Variants in MGST2 observed in about 807,000 individuals in gnomAD.
MGST2 encodes the protein glutathione peroxidase MGST2.
In MGST2, 9 loss-of-function variants were observed where a neutral mutation model predicts 16.6. The observed-to-expected ratio is 0.54, with a 90% CI of 0.33 to 0.95. The LOEUF is 0.95. Ranked by LOEUF, MGST2 falls within the 40% of genes least tolerant of loss-of-function variation. The pLI is 0.03. For missense variants in MGST2, 159 were observed against 175.1 expected, an observed-to-expected ratio of 0.91 and a Z score of 0.52; for synonymous variants, 79 against 68.0, an observed-to-expected ratio of 1.16 and a Z score of -0.79.
chr4:139,725,659 AATAC>A (rs1226575185), intron 5 of MGST2: 1 of 1,254,362 alleles, frequency 8.0e-7, no homozygotes, highest in African/African-American at 1.5e-5. Flanking sequence ...CCTGGACACA[AATAC>A]AGCCAGTAAG....
chr4:139,716,526 C>T (rs1428350756), intron 5 of MGST2, among the ~76,000 whole-genome samples: 1 of 151,946 alleles, frequency 6.6e-6, no homozygotes, highest in East Asian at 1.9e-4. Context: ...CCTCCCTTCC[C>T]TTTGCCACAT....
At chr4:139,698,660 C>A (rs957728594) in intron 3 of MGST2, 5 of 738,196 alleles carry the variant, frequency 6.8e-6, no homozygotes, top group South Asian at 6.6e-5. Context: ...TTATAGCAAT[C>A]CTGCTCCCAC....
At chr4:139,697,397 G>C (rs1187969338) in intron 3 of MGST2, among the ~76,000 whole-genome samples, 1 of 151,992 alleles carries the variant, frequency 6.6e-6, no homozygotes, top group Non-Finnish European at 1.5e-5. Context: ...TCTTAATGGT[G>C]CCTGGGAACT....
At chr4:139,740,954 G>A (rs1426783780), downstream of MGST2, among the ~76,000 whole-genome samples, 2 of 152,178 alleles carry the variant, frequency 1.3e-5, no homozygotes, top group Admixed American at 6.5e-5. Context: ...TCCAGAGGCC[G>A]TGAGAGGGAG....
intron 5 of MGST2, among the ~76,000 whole-genome samples, chr4:139,736,101 G>GAC (rs1205919484): frequency 3.9e-4 from 60 of 151,982 alleles, no homozygotes; most frequent in African/African-American, 1.3e-3. Context: ...GTGCTTTTCA[G>GAC]ACACACACAC....
chr4:139,666,951 A>T (rs947294411), intron 1 of MGST2, among the ~76,000 whole-genome samples: 10 of 152,240 alleles, frequency 6.6e-5, no homozygotes, highest in African/African-American at 2.4e-4. Flanking sequence ...GATTGTATGA[A>T]GATCTTGAAC....
At chr4:139,708,200 A>C (rs1281618937), downstream of MGST2, among the ~76,000 whole-genome samples, 1 of 152,230 alleles carries the variant, frequency 6.6e-6, no homozygotes, top group Non-Finnish European at 1.5e-5. Flanking sequence ...TTTTAGGTCT[A>C]ACACGTAAGT....
intron 5 of MGST2, among the ~76,000 whole-genome samples, chr4:139,722,433 C>T (rs1023328558): frequency 6.6e-6 from 1 of 152,146 alleles, no homozygotes; most frequent in Non-Finnish European, 1.5e-5. Flanking sequence ...TACATGATTA[C>T]TACATGTGTT....
At chr4:139,669,213 T>C (rs1471364865) in intron 1 of MGST2, among the ~76,000 whole-genome samples, 1 of 151,938 alleles carries the variant, frequency 6.6e-6, no homozygotes, top group Admixed American at 6.6e-5. Context: ...ATTTAGATGG[T>C]TGGGGGGCTT....
Position 139,731,638 on chromosome 4 carries a change from C to G in MGST2, c.*49-8574C>G, listed in dbSNP as rs1308557343. Among the ~76,000 whole-genome samples the G allele has an allele frequency of 3.9e-5, 6 of 151,922 alleles. No homozygotes were observed. In the East Asian group the frequency reaches 1.2e-3, roughly 29 times the overall value. On this transcript the variant is annotated intron_variant, in intron 5 of 5. Transcript: ENST00000616265. ...TCTCAAAAAAAAAGAATTGAGTCTT[C>G]TATGTCTGGGATAATTTAAACATGG...
chr4:139,731,435 T>TAAAAAAAAAAAAAAA (rs70943437), intron 5 of MGST2: 2 of 38,714 alleles, frequency 5.2e-5, no homozygotes, highest in Non-Finnish European at 1.0e-4. Context: ...CTGTCTCTAC[T>TAAAAAAAAAAAAAAA]AAAAAAAAAA....
At chr4:139,752,742 A>G in the MGST2 span, among the ~76,000 whole-genome samples, 3 of 152,202 alleles carry the variant, frequency 2.0e-5, no homozygotes, top group Non-Finnish European at 4.4e-5. Context: ...TCGCAGCACT[A>G]ACACCTAAAT....
intron 3 of MGST2, among the ~76,000 whole-genome samples, chr4:139,700,060 T>G (rs902306054): frequency 4.6e-5 from 7 of 151,136 alleles, no homozygotes; most frequent in Admixed American, 2.0e-4. Flanking sequence ...ATTATCATTA[T>G]AGCTATTATT....
At chr4:139,706,714 C>G (rs575731695), downstream of MGST2, among the ~76,000 whole-genome samples, 5 of 152,152 alleles carry the variant, frequency 3.3e-5, no homozygotes, top group Admixed American at 6.5e-5. Context: ...TGGTTAAACA[C>G]GTGGAAATAA....
At chr4:139,671,694 T>A (rs1358703087) in intron 1 of MGST2, among the ~76,000 whole-genome samples, 1 of 152,054 alleles carries the variant, frequency 6.6e-6, no homozygotes, top group Non-Finnish European at 1.5e-5. Context: ...CAGGCTGGAG[T>A]GCAGTGGTGT....
intron 5 of MGST2, chr4:139,730,493 C>G (rs769916242): frequency 1.3e-5 from 20 of 1,554,004 alleles, no homozygotes; most frequent in Non-Finnish European, 1.7e-5. Context: ...TTCTGCTGCT[C>G]TATCAACTGG....
intron 1 of MGST2, among the ~76,000 whole-genome samples, chr4:139,667,798 C>T (rs1274909837): frequency 3.3e-5 from 5 of 151,864 alleles, no homozygotes; most frequent in Admixed American, 3.3e-4. Context: ...GGGGAGGTTG[C>T]AGTGGACTGA....
At chr4:139,706,702 T>A (rs1485032385), downstream of MGST2, among the ~76,000 whole-genome samples, 1 of 151,952 alleles carries the variant, frequency 6.6e-6, no homozygotes, top group Non-Finnish European at 1.5e-5. Context: ...ACACACACAC[T>A]TTGGTTAAAC....
chr4:139,741,381 T>C (rs139567139), downstream of MGST2, among the ~76,000 whole-genome samples: 1,731 of 152,274 alleles, frequency 0.011, 132 homozygotes, highest in Admixed American at 0.11. Context: ...AGACATATTC[T>C]TCGAACAAGG....
Sources: gnomAD v4.1 joint callset for allele counts (sites outside exome capture counted in the v4.1 genomes callset) on GRCh38, gnomAD v4.1.1 for gene constraint, MANE v1.5 for transcripts, NCBI Gene and HGNC (gene_info 2026-07-23, HGNC 2026-07-21) for gene names.